The following USP34 variants were observed in gnomAD, a reference collection of about 807,000 sequenced individuals.
USP34 encodes the protein ubiquitin specific peptidase 34.
A neutral mutation model predicts 460.3 loss-of-function variants in USP34; 70 were observed. The observed-to-expected ratio is 0.15, with a 90% CI of 0.13 to 0.19. The LOEUF is 0.19. USP34 is among the 10% of genes least tolerant of loss of function. USP34 has a pLI of 1.00. For synonymous variants in USP34, 1,647 were observed against 1,405.3 expected, an observed-to-expected ratio of 1.17 and a Z score of -3.85; for missense variants, 3,985 against 4,236.2, an observed-to-expected ratio of 0.94 and a Z score of 1.65.
intron 1 of USP34, among the ~76,000 whole-genome samples, chr2:61,447,273 A>C (rs1036296391): frequency 4.0e-5 from 6 of 150,108 alleles, no homozygotes; most frequent in African/African-American, 7.3e-5. Flanking sequence ...AAAAAAAAAA[A>C]AAAAAAAAAC....
intron 16 of USP34, among the ~76,000 whole-genome samples, chr2:61,342,630 G>A (rs1039736533): frequency 4.0e-5 from 6 of 151,768 alleles, no homozygotes; most frequent in Admixed American, 6.6e-5. Flanking sequence ...CCATTTCTAT[G>A]TATCATCTTT....
intron 1 of USP34, among the ~76,000 whole-genome samples, chr2:61,435,381 C>T (rs1694785221): frequency 7.5e-6 from 1 of 133,392 alleles, no homozygotes. Context: ...AAAAGTATCT[C>T]CACCAGACTA....
intron 23 of USP34, 109 bp downstream of exon 23, chr2:61,317,545 C>A: frequency 1.1e-6 from 1 of 932,172 alleles, no homozygotes; most frequent in Non-Finnish European, 1.6e-6. Context: ...CCCAACTGCA[C>A]TGCACAGGTA....
intron 3 of USP34, among the ~76,000 whole-genome samples, chr2:61,395,855 C>G (rs1363331705): frequency 1.3e-5 from 2 of 149,106 alleles, no homozygotes; most frequent in Admixed American, 6.7e-5. Context: ...CACCTGAGGT[C>G]AGGAGATCAA....
intron 8 of USP34, 53 bp from the exon 9 acceptor site, chr2:61,370,632 A>G (rs1692592811): frequency 6.5e-7 from 1 of 1,543,214 alleles, no homozygotes. Flanking sequence ...ATCTTTTCTC[A>G]TGTCTAAAAG....
chr2:61,388,190 T>C (rs185142823), intron 5 of USP34, among the ~76,000 whole-genome samples: 228 of 152,018 alleles, frequency 1.5e-3, no homozygotes, highest in African/African-American at 5.0e-3. Flanking sequence ...TTGCAACGAA[T>C]TGAGATCACC....
At chr2:61,388,361 G>C (rs1296865746) in intron 5 of USP34, among the ~76,000 whole-genome samples, 4 of 150,624 alleles carry the variant, frequency 2.7e-5, no homozygotes, top group Non-Finnish European at 4.4e-5. Context: ...CCTGACAGAA[G>C]TATAAATTAA....
At chr2:61,452,569 G>A (rs934671982) in intron 1 of USP34, among the ~76,000 whole-genome samples, 3 of 151,806 alleles carry the variant, frequency 2.0e-5, no homozygotes, top group Non-Finnish European at 2.9e-5. Flanking sequence ...TGATCCACCC[G>A]CCTCAGCCTC....
chr2:61,194,016 A>G (rs905737680), intron 75 of USP34: 1 of 667,540 alleles, frequency 1.5e-6, no homozygotes, highest in Non-Finnish European at 1.9e-6. Flanking sequence ...AAAAAAATTT[A>G]AAAATATGAA....
chr2:61,411,425 A>G (rs1433760915), intron 2 of USP34, among the ~76,000 whole-genome samples: 1 of 152,090 alleles, frequency 6.6e-6, no homozygotes, highest in Admixed American at 6.6e-5. Context: ...GATAAGTGAA[A>G]TATATGACTT....
intron 48 of USP34, among the ~76,000 whole-genome samples, chr2:61,249,569 T>G (rs535133562): frequency 6.6e-6 from 1 of 152,154 alleles, no homozygotes; most frequent in African/African-American, 2.4e-5. Flanking sequence ...CTAAATCACA[T>G]TCTTATTAAA....
rs566749020 is a variant in USP34 at position 61,187,602 on chromosome 2, A to T, written c.*500T>A. On this transcript the variant is annotated 3_prime_UTR_variant, in exon 80 of 80. Transcript: ENST00000398571. Reference sequence around the variant, plus strand: ...CAGGTATTCTGTTAAATAAAGCACCATTTATATACTGCCAGGCCACAGCTA... The same window carrying T: ...CAGGTATTCTGTTAAATAAAGCACCTTTTATATACTGCCAGGCCACAGCTA... The T allele has an allele frequency of 2.5e-5, 21 of 847,128 alleles. 1 individual carries two copies. In the Admixed American group the frequency reaches 1.2e-3, roughly 50 times the overall value. 52.5% of individuals were successfully genotyped at this position (847,128 alleles called of 1,614,324 possible).
chr2:61,243,881 G>T (rs1357346883), intron 51 of USP34, among the ~76,000 whole-genome samples: 4 of 148,482 alleles, frequency 2.7e-5, no homozygotes, highest in Non-Finnish European at 6.0e-5. Context: ...AAAAAAAAAA[G>T]GAGACATTCT....
At chr2:61,381,190 C>G (rs1158899420) in intron 6 of USP34, among the ~76,000 whole-genome samples, 1 of 145,754 alleles carries the variant, frequency 6.9e-6, no homozygotes, top group Non-Finnish European at 1.5e-5. Flanking sequence ...AAGAAACACC[C>G]AAGAATGATC....
intron 1 of USP34, among the ~76,000 whole-genome samples, chr2:61,457,006 C>A (rs1416523697): frequency 6.6e-6 from 1 of 150,652 alleles, no homozygotes. Context: ...CCAGTGGTGA[C>A]TGCTCACACC....
At chr2:61,403,925 G>A (rs1192171907) in intron 3 of USP34, among the ~76,000 whole-genome samples, 43 of 144,682 alleles carry the variant, frequency 3.0e-4, no homozygotes, top group African/African-American at 9.9e-4. Flanking sequence ...CCCGGGAGGC[G>A]GAGCTTGCAG....
At chr2:61,228,782 G>C (rs1558477605) in intron 60 of USP34, 45 bp downstream of exon 60, 1 of 1,587,346 alleles carries the variant, frequency 6.3e-7, no homozygotes, top group South Asian at 1.2e-5. Flanking sequence ...TGCAAATACT[G>C]AAAAAAGGTA....
chr2:61,311,935 T>C lies in USP34; in HGVS notation c.3543-25A>G, dbSNP rs373231420. 5.1e-5 allele frequency: 82 copies of C among 1,607,236 alleles called. 1 individual carries two copies. The highest frequency in any genetic ancestry group is 1.7e-4 in the Middle Eastern group (1 of 6,056). ...CCTAAAACATGACACAAACAACACA[T>C]AGAAAGGATACCATTTTAAACCATT... On this transcript the variant is annotated intron_variant, in intron 25 of 79. Coordinates refer to ENST00000398571, the MANE Select transcript of USP34 (RefSeq NM_014709.4).
chr2:61,302,229 G>T (rs1359573866), intron 27 of USP34, among the ~76,000 whole-genome samples: 1 of 152,156 alleles, frequency 6.6e-6, no homozygotes, highest in African/African-American at 2.4e-5. Context: ...ATTCAATATA[G>T]AAAAACTCCA....
Sources: allele counts gnomAD v4.1 joint callset (sites outside exome capture counted in the v4.1 genomes callset), GRCh38; gene constraint gnomAD v4.1.1; transcripts MANE v1.5; gene names NCBI Gene and HGNC (gene_info 2026-07-23, HGNC 2026-07-21).